UBE2N: variants seen among roughly 807,000 people sequenced by gnomAD.
UBE2N encodes the protein ubiquitin conjugating enzyme E2 N.
For synonymous variants in UBE2N, 70 were observed against 69.2 expected (o/e 1.01, Z -0.06); for missense variants, 60 against 192.1 (o/e 0.31, Z 4.07).
intron 1 of UBE2N, among the ~76,000 whole-genome samples, chr12:93,440,197 T>C (rs1407184508): frequency 1.3e-5 from 2 of 152,260 alleles, no homozygotes; most frequent in East Asian, 3.8e-4. Context: ...GGATATTTGA[T>C]GTATGGCTCT....
rs1039172754 is a variant in UBE2N at position 93,435,386 on chromosome 12, T to C, written c.30+6469A>G. Among the ~76,000 whole-genome samples the C allele has an allele frequency of 3.3e-5, 5 of 152,004 alleles. No individual in the cohort carries two copies. In the South Asian group the frequency reaches 1.0e-3, roughly 32 times the overall value. On this transcript the variant is annotated intron_variant, in intron 1 of 3. Transcript: ENST00000318066. Reference sequence around the variant, plus strand: ...TACTAGGGAGGCTGAGGCAGGAGAATTGCTTGAACCCAGGGGGCAGAGGTT... The same window carrying C: ...TACTAGGGAGGCTGAGGCAGGAGAACTGCTTGAACCCAGGGGGCAGAGGTT...
In UBE2N at chr12:93,407,904, A is replaced by G. The variant is rs1408656544; in HGVS notation, c.*2135T>C. 6.6e-6 allele frequency: 1 copy of G among 152,220 alleles called. No individual in the cohort carries two copies. The highest frequency in any genetic ancestry group is 1.5e-5 in the Non-Finnish European group (1 of 68,040). 9.4% of individuals were successfully genotyped at this position (152,220 alleles called of 1,614,324 possible). A position where few individuals can be genotyped will look rare whatever the true frequency, so the allele number is the denominator to read the frequency against. On this transcript the variant is annotated 3_prime_UTR_variant, in exon 4 of 4. Transcript: ENST00000318066. ...CTTAGCAAAGTAATGGGGGAGTCTT[A>G]CCAAAACTGCAAAGGAAAAAAATAT...
chr12:93,439,771 C>T (rs1211288921), intron 1 of UBE2N, among the ~76,000 whole-genome samples: 1 of 152,122 alleles, frequency 6.6e-6, no homozygotes, highest in African/African-American at 2.4e-5. Context: ...GAAAACCATC[C>T]TTTTAAGCTA....
chr12:93,414,514 A>C (rs1350597490), intron 1 of UBE2N, among the ~76,000 whole-genome samples: 1 of 150,656 alleles, frequency 6.6e-6, no homozygotes, highest in Admixed American at 6.6e-5. Context: ...GCTCTATATG[A>C]TGCCCTCACT....
At chr12:93,435,660 T>C (rs1398557298) in intron 1 of UBE2N, among the ~76,000 whole-genome samples, 2 of 152,146 alleles carry the variant, frequency 1.3e-5, no homozygotes, top group African/African-American at 4.8e-5. Flanking sequence ...TAAATCACTT[T>C]TCTTACAAAA....
At chr12:93,411,445 C>T (rs1878028206) in intron 1 of UBE2N, 146 bp from the exon 2 acceptor site, 1 of 1,071,342 alleles carries the variant, frequency 9.3e-7, no homozygotes, top group East Asian at 2.6e-5. Context: ...ATGCAAAATT[C>T]AAAAAAATAC....
Position 93,410,749 on chromosome 12 carries a change from G to C in UBE2N, c.403C>G (p.Gln135Glu). The C allele has an allele frequency of 1.2e-6, 2 of 1,614,142 alleles. No individual in the cohort carries two copies. The highest frequency in any genetic ancestry group is 1.7e-6 in the Non-Finnish European group (2 of 1,180,016). Residue 135 changes from glutamine to glutamate, a missense_variant, in exon 3 of 4, where the codon CAA becomes GAA. By Grantham distance (29) the Gln-to-Glu change is conservative. Coordinates refer to ENST00000318066, the MANE Select transcript of UBE2N (RefSeq NM_003348.4). Reference sequence around the variant, plus strand: ...TATTAGATACCTGTTTCTATGGCTTGGGCTTCGTTGGTCTTCCACTGCTCC... The same window carrying C: ...TATTAGATACCTGTTTCTATGGCTTCGGCTTCGTTGGTCTTCCACTGCTCC... ...VAEQWKTNEA[Q>E]AIETARAWTR...
At chr12:93,416,506 G>A (rs977161808) in intron 1 of UBE2N, among the ~76,000 whole-genome samples, 1 of 150,370 alleles carries the variant, frequency 6.7e-6, no homozygotes, top group African/African-American at 2.4e-5. Context: ...GCAGTGCAGT[G>A]GCACGATCTT....
chr12:93,422,950 C>T (rs1013316655), intron 1 of UBE2N, among the ~76,000 whole-genome samples: 5 of 152,056 alleles, frequency 3.3e-5, no homozygotes, highest in South Asian at 2.1e-4. Context: ...AAAACTTACC[C>T]GTGGTCACAC....
chr12:93,434,836 A>G (rs1211670223), intron 1 of UBE2N, among the ~76,000 whole-genome samples: 2 of 152,226 alleles, frequency 1.3e-5, no homozygotes, highest in African/African-American at 2.4e-5. Flanking sequence ...CTTAAATTCC[A>G]AAGGTGATTT....
chr12:93,427,609 G>A (rs1439855177), intron 1 of UBE2N, among the ~76,000 whole-genome samples: 1 of 152,194 alleles, frequency 6.6e-6, no homozygotes, highest in Non-Finnish European at 1.5e-5. Flanking sequence ...TAGAGTGACT[G>A]CTAATGAGCA....
At chr12:93,414,768 C>G (rs1193644669) in intron 1 of UBE2N, among the ~76,000 whole-genome samples, 4 of 152,138 alleles carry the variant, frequency 2.6e-5, no homozygotes, top group Non-Finnish European at 5.9e-5. Flanking sequence ...CAACCCTACC[C>G]TGCACACTCC....
At chr12:93,426,886 G>A (rs1384679285) in intron 1 of UBE2N, among the ~76,000 whole-genome samples, 1 of 151,420 alleles carries the variant, frequency 6.6e-6, no homozygotes, top group Non-Finnish European at 1.5e-5. Context: ...TTTTTTTTAA[G>A]CTCATCGGCT....
intron 1 of UBE2N, among the ~76,000 whole-genome samples, chr12:93,434,713 T>C (rs1019832872): frequency 6.6e-6 from 1 of 152,084 alleles, no homozygotes; most frequent in African/African-American, 2.4e-5. Context: ...CCAGAAGTCA[T>C]ACGTTAAAAA....
At chr12:93,411,388 A>T in intron 1 of UBE2N, 89 bp from the exon 2 acceptor site, 1 of 1,507,886 alleles carries the variant, frequency 6.6e-7, no homozygotes, top group Non-Finnish European at 8.9e-7. Context: ...TCTTAGAACT[A>T]CGCATAATAG....
chr12:93,434,890 GTATTTATTTATT>G lies in UBE2N; in HGVS notation c.30+6953_30+6964del, dbSNP rs141035353. Reference sequence around the variant, plus strand: ...AATCTGTCTTCATCATAATGAGTTTGTATTTATTTATTTATTTATTTATTTATTTAAGAGACA... The same window carrying G: ...AATCTGTCTTCATCATAATGAGTTTGTATTTATTTATTTATTTAAGAGACA... On this transcript the variant is annotated intron_variant, in intron 1 of 3. Coordinates refer to ENST00000318066, the MANE Select transcript of UBE2N (RefSeq NM_003348.4). 3.7e-4 allele frequency among the ~76,000 whole-genome samples: 56 copies of G among 151,316 alleles called. 2 individuals carry two copies. Among genetic ancestry groups the G allele is most frequent in the African/African-American group, 1.0e-3 (41 of 41,004 alleles).
chr12:93,439,700 A>G (rs1303072125), intron 1 of UBE2N, among the ~76,000 whole-genome samples: 10 of 152,198 alleles, frequency 6.6e-5, no homozygotes, highest in Admixed American at 6.5e-4. Context: ...AACAACCTAC[A>G]TAACACAAGC....
chr12:93,433,808 T>A (rs1878840609), intron 1 of UBE2N, among the ~76,000 whole-genome samples: 1 of 152,226 alleles, frequency 6.6e-6, no homozygotes, highest in Non-Finnish European at 1.5e-5. Flanking sequence ...ACAGAAAACA[T>A]AATGTGTGTT....
At chr12:93,422,901 A>T (rs1878461415) in intron 1 of UBE2N, among the ~76,000 whole-genome samples, 1 of 152,230 alleles carries the variant, frequency 6.6e-6, no homozygotes, top group African/African-American at 2.4e-5. Flanking sequence ...CTGGGAGATA[A>T]GAAAATTGTA....
Sources: gnomAD v4.1 joint callset for allele counts (sites outside exome capture counted in the v4.1 genomes callset) on GRCh38, gnomAD v4.1.1 for gene constraint, MANE v1.5 for transcripts, NCBI Gene and HGNC (gene_info 2026-07-23, HGNC 2026-07-21) for gene names.